COBLL1: variants seen among roughly 807,000 people sequenced by gnomAD.
The protein encoded by COBLL1 is cordon-bleu WH2 repeat protein like 1, also known as cordon-bleu protein-like 1.
Under a neutral mutation model 94.8 loss-of-function variants are expected in COBLL1, and 50 were observed. That is an observed-to-expected ratio of 0.53 (90% confidence interval 0.42 to 0.67). COBLL1 has a LOEUF of 0.67. Among genes scored for constraint, COBLL1 ranks in the 30% least tolerant of loss-of-function variants. The pLI, the probability that COBLL1 is intolerant of heterozygous loss-of-function variation, is 0.00. For synonymous variants in COBLL1, 448 were observed against 473.8 expected, an observed-to-expected ratio of 0.95 and a Z score of 0.71; for missense variants, 1,362 against 1,348.7, an observed-to-expected ratio of 1.01 and a Z score of -0.15.
At chr2:164,813,323 C>A (rs1358027515) in intron 2 of COBLL1, among the ~76,000 whole-genome samples, 1 of 151,962 alleles carries the variant, frequency 6.6e-6, no homozygotes, top group African/African-American at 2.4e-5. Flanking sequence ...AACCATGTAC[C>A]CCTTGAAAGA....
intron 6 of COBLL1, 31 bp from the exon 7 acceptor site, chr2:164,722,342 T>C (rs912508861): frequency 1.3e-6 from 2 of 1,574,336 alleles, no homozygotes; most frequent in Non-Finnish European, 1.7e-6. Flanking sequence ...CAAAATCTAG[T>C]AATTTCAAGA....
chr2:164,799,721 A>G (rs926244886), intron 2 of COBLL1, among the ~76,000 whole-genome samples: 2 of 152,252 alleles, frequency 1.3e-5, no homozygotes, highest in Non-Finnish European at 2.9e-5. Context: ...TACAGTAATC[A>G]AAACAATGTG....
chr2:164,683,253 A>G lies in COBLL1; in HGVS notation c.*2693T>C, dbSNP rs1683124962. On this transcript the variant is annotated 3_prime_UTR_variant, in exon 14 of 14. Coordinates refer to ENST00000652658, the MANE Select transcript of COBLL1 (RefSeq NM_001365672.2). The stretch of plus-strand genomic sequence containing the variant: ...TTGATTGGAGGAAAGAAGGAAAAGC[A>G]AAATGCCTAGATGCTAAAAATTATA... 1 of 152,134 alleles carries G rather than the reference A, an allele frequency of 6.6e-6. No homozygotes were observed. Among genetic ancestry groups the G allele is most frequent in the Admixed American group, 6.5e-5 (1 of 15,274 alleles). 9.4% of individuals were successfully genotyped at this position (152,134 alleles called of 1,614,324 possible). A position where few individuals can be genotyped will look rare whatever the true frequency, so the allele number is the denominator to read the frequency against.
Position 164,683,211 on chromosome 2 carries a change from T to C in COBLL1, c.*2735A>G, listed in dbSNP as rs957809785. On this transcript the variant is annotated 3_prime_UTR_variant, in exon 14 of 14. Transcript: ENST00000652658. ...TGTAATCTGAATTATAATTTTAATA[T>C]TATATAAATAAATAACTTGATTGGA... 1 of 151,840 alleles carries C rather than the reference T, an allele frequency of 6.6e-6. No homozygotes were observed. The highest frequency in any genetic ancestry group is 6.6e-5 in the Admixed American group (1 of 15,224). The allele number at this position is 151,840 out of a possible 1,614,324, so 9.4% of individuals were successfully genotyped here.
At position 164,841,358 on chromosome 2, in the gene COBLL1, C is replaced by T; in HGVS notation, c.-50-112G>A. 1.7e-6 allele frequency: 2 copies of T among 1,191,044 alleles called. No individual in the cohort carries two copies. Among genetic ancestry groups the T allele is most frequent in the South Asian group, 4.2e-5 (1 of 23,540 alleles). The allele number at this position is 1,191,044 out of a possible 1,614,324, so 73.8% of individuals were successfully genotyped here. A position where few individuals can be genotyped will look rare whatever the true frequency, so the allele number is the denominator to read the frequency against. On this transcript the variant is annotated intron_variant, in intron 1 of 13. Transcript: ENST00000652658. The surrounding 1 kb of genome is among the most constrained non-coding windows in gnomAD (Gnocchi z 5.5). ...CGAGCCGCTCCAGCCCCGGCCGGCC[C>T]GCCTCCCGGGTGCGCTTCCACCTGC...
chr2:164,827,204 C>T (rs2105374055), intron 2 of COBLL1, among the ~76,000 whole-genome samples: 1 of 152,158 alleles, frequency 6.6e-6, no homozygotes, highest in East Asian at 1.9e-4. Flanking sequence ...CCACCTCGGC[C>T]TCCCAAAGTG....
Position 164,691,893 on chromosome 2 carries a change from T to A in COBLL1, c.3300+328A>T, listed in dbSNP as rs1460705711. 2.0e-5 allele frequency among the ~76,000 whole-genome samples: 3 copies of A among 152,194 alleles called. No homozygotes were observed. The East Asian group carries it at 5.8e-4, about 29-fold the overall frequency. On this transcript the variant is annotated intron_variant, in intron 13 of 13. Coordinates refer to ENST00000652658, the MANE Select transcript of COBLL1 (RefSeq NM_001365672.2). ...GTTCCTATCACTAATGTACCTTTTT[T>A]GGAACAGGAAGGTGTTTTCCAAAGA...
chr2:164,672,690 A>C (rs1477830811), intron 1 of COBLL1, among the ~76,000 whole-genome samples: 21 of 132,782 alleles, frequency 1.6e-4, no homozygotes, highest in Non-Finnish European at 1.5e-5. Context: ...TGGGCGACAG[A>C]GCGAGACTCC....
Position 164,803,916 on chromosome 2 carries a change from T to C in COBLL1, c.41+37240A>G, listed in dbSNP as rs553717199. ...CAAGTTAGAGGCAGAAAACATCTTC[T>C]TGAAGGAAGTGAGGGCTCAACATAC... On this transcript the variant is annotated intron_variant, in intron 2 of 13. Coordinates refer to ENST00000652658, the MANE Select transcript of COBLL1 (RefSeq NM_001365672.2). Among the ~76,000 whole-genome samples, 13 of 152,042 alleles carry C rather than the reference T, an allele frequency of 8.6e-5. 1 individual carries two copies. The East Asian group carries it at 2.5e-3, about 30-fold the overall frequency.
chr2:164,741,040 C>T (rs1686565577), intron 3 of COBLL1, among the ~76,000 whole-genome samples: 1 of 152,090 alleles, frequency 6.6e-6, no homozygotes, highest in South Asian at 2.1e-4. Context: ...CTTTGGGAGG[C>T]TGAGGTGGGT....
intron 1 of COBLL1, among the ~76,000 whole-genome samples, chr2:164,675,168 T>A (rs1691316659): frequency 6.6e-6 from 1 of 152,134 alleles, no homozygotes; most frequent in Non-Finnish European, 1.5e-5. Flanking sequence ...TTGTTGACGA[T>A]GAGCTCAGTT....
At chr2:164,784,215 C>T (rs998984441) in intron 2 of COBLL1, among the ~76,000 whole-genome samples, 1 of 152,094 alleles carries the variant, frequency 6.6e-6, no homozygotes, top group Non-Finnish European at 1.5e-5. Context: ...TTCATTTATG[C>T]ATGTTTTATA....
chr2:164,771,899 T>A (rs1326143387), intron 2 of COBLL1: 1 of 151,290 alleles, frequency 6.6e-6, no homozygotes, highest in African/African-American at 2.4e-5. Context: ...TTATACTCAA[T>A]ATTGAATGTA....
upstream of COBLL1, chr2:164,842,028 G>A (rs1237352615): frequency 1.2e-5 from 19 of 1,537,556 alleles, no homozygotes; most frequent in Non-Finnish European, 1.6e-5. Flanking sequence ...CATAAGTGGG[G>A]ACCAGCTCGG....
In COBLL1 at chr2:164,841,612, C is replaced by T. The variant is rs1323362265; in HGVS notation, c.-51+98G>A. 5.4e-6 allele frequency: 2 copies of T among 371,330 alleles called. No individual in the cohort carries two copies. The highest frequency in any genetic ancestry group is 4.2e-5 in the African/African-American group (2 of 47,110). 23.0% of individuals were successfully genotyped at this position (371,330 alleles called of 1,614,324 possible). On this transcript the variant is annotated intron_variant, in intron 1 of 13. Coordinates refer to ENST00000652658, the MANE Select transcript of COBLL1 (RefSeq NM_001365672.2). This position sits in a 1 kb window ranked among gnomAD's most constrained non-coding sequence, Gnocchi z 5.5. ...CACGCCGGCAGCGCACTCCCAGGCT[C>T]CTCCGGCCGAGTTTGCACAAACAAA...
chr2:164,664,550 T>C (rs1401042764), intron 2 of COBLL1, among the ~76,000 whole-genome samples: 2 of 152,188 alleles, frequency 1.3e-5, no homozygotes, highest in African/African-American at 2.4e-5. Context: ...TAATCAATCA[T>C]TGCAGACAAA....
chr2:164,751,667 T>C (rs1179632558), intron 2 of COBLL1, among the ~76,000 whole-genome samples: 1 of 151,874 alleles, frequency 6.6e-6, no homozygotes, highest in Non-Finnish European at 1.5e-5. Flanking sequence ...CAATTACAAA[T>C]GAAAACCCAC....
At chr2:164,803,527 T>C (rs1683926241) in intron 2 of COBLL1, among the ~76,000 whole-genome samples, 1 of 151,068 alleles carries the variant, frequency 6.6e-6, no homozygotes, top group Non-Finnish European at 1.5e-5. Flanking sequence ...ATCCCGCCAC[T>C]GCACTCCAGC....
intron 3 of COBLL1, among the ~76,000 whole-genome samples, chr2:164,740,345 T>C (rs1287026004): frequency 6.6e-6 from 1 of 151,974 alleles, no homozygotes; most frequent in Non-Finnish European, 1.5e-5. Context: ...CCTGTGTGAC[T>C]GAAACCCCAT....
Sources: gnomAD v4.1 joint callset for allele counts (sites outside exome capture counted in the v4.1 genomes callset) on GRCh38, gnomAD v4.1.1 for gene constraint, Gnocchi (gnomAD v3.1) non-coding constraint, MANE v1.5 for transcripts, NCBI Gene and HGNC (gene_info 2026-07-23, HGNC 2026-07-21) for gene names.